The following PCDH15 variants were observed in gnomAD, a reference collection of about 807,000 sequenced individuals.
PCDH15 encodes the protein protocadherin related 15.
PCDH15 carries 129 observed loss-of-function variants against 178.5 expected under a neutral mutation model. The ratio of observed to expected loss-of-function variants is 0.72; its 90% CI spans 0.63 to 0.84. The LOEUF is 0.84. Ranked by LOEUF, PCDH15 falls within the 40% of genes least tolerant of loss-of-function variation. The pLI, the probability that PCDH15 is intolerant of heterozygous loss-of-function variation, is 0.00. For synonymous variants in PCDH15, 800 were observed against 732.0 expected (o/e 1.09, Z -1.50); for missense variants, 2,230 against 2,099.9 (o/e 1.06, Z -1.21).
chr10:54,777,564 G>A (rs1057130216), intron 1 of PCDH15, among the ~76,000 whole-genome samples: 1 of 152,156 alleles, frequency 6.6e-6, no homozygotes, highest in African/African-American at 2.4e-5. Flanking sequence ...GCAAATGAAA[G>A]ATGATGTAAA....
At chr10:54,354,193 C>T (rs1358279631) in intron 5 of PCDH15, among the ~76,000 whole-genome samples, 1 of 152,254 alleles carries the variant, frequency 6.6e-6, no homozygotes, top group East Asian at 1.9e-4. Flanking sequence ...CCATGTTGGA[C>T]AGGCTAGTCT....
At chr10:54,135,189 C>A (rs553603389) in intron 14 of PCDH15, among the ~76,000 whole-genome samples, 7 of 141,636 alleles carry the variant, frequency 4.9e-5, no homozygotes, top group African/African-American at 2.0e-4. Flanking sequence ...GGTGACAGGG[C>A]GAGACTCTGT....
intron 2 of PCDH15, among the ~76,000 whole-genome samples, chr10:54,611,958 T>G (rs1026026922): frequency 6.6e-6 from 1 of 151,748 alleles, no homozygotes; most frequent in Admixed American, 6.6e-5. Flanking sequence ...GAGTATAGAG[T>G]GAATAAATAC....
chr10:54,753,894 GT>G (rs755751275), intron 1 of PCDH15, among the ~76,000 whole-genome samples: 47 of 85,530 alleles, frequency 5.5e-4, no homozygotes, highest in Middle Eastern at 9.8e-3. Context: ...GTTTGTTTGT[GT>G]TTTTTTTTTT....
intron 2 of PCDH15, among the ~76,000 whole-genome samples, chr10:55,121,295 G>A (rs1434221113): frequency 6.6e-6 from 1 of 151,994 alleles, no homozygotes; most frequent in African/African-American, 2.4e-5. Context: ...CCTTTGAAAT[G>A]GGAATGTCTA....
chr10:55,075,040 C>T (rs1779253), intron 2 of PCDH15, among the ~76,000 whole-genome samples: 119,806 of 152,144 alleles, frequency 0.79, 47,500 homozygotes, highest in African/African-American at 0.87. Flanking sequence ...TGCGGTCTTA[C>T]GTCTGAGTTC....
At chr10:54,883,461 T>A (rs943423457) in intron 3 of PCDH15, among the ~76,000 whole-genome samples, 1 of 151,982 alleles carries the variant, frequency 6.6e-6, no homozygotes, top group African/African-American at 2.4e-5. Context: ...TTTAGTTCAG[T>A]TTGGAGAATT....
intron 3 of PCDH15, among the ~76,000 whole-genome samples, chr10:54,414,664 GACTT>G (rs1954058856): frequency 3.3e-5 from 5 of 151,982 alleles, no homozygotes; most frequent in Admixed American, 3.3e-4. Context: ...ATCTTACAAA[GACTT>G]ACAAGTTAAA....
chr10:53,831,088 C>A (rs766474200), intron 30 of PCDH15: 2 of 745,684 alleles, frequency 2.7e-6, no homozygotes, highest in South Asian at 1.4e-5. Context: ...TTGAAAGAGA[C>A]CGAATTAGAA....
At chr10:54,118,072 C>A (rs1263423041) in intron 15 of PCDH15, among the ~76,000 whole-genome samples, 1 of 152,108 alleles carries the variant, frequency 6.6e-6, no homozygotes, top group East Asian at 1.9e-4. Flanking sequence ...TGAAAAAGAG[C>A]CCAAATAGTC....
At chr10:55,079,833 G>A (rs1346595542) in intron 2 of PCDH15, among the ~76,000 whole-genome samples, 2 of 152,166 alleles carry the variant, frequency 1.3e-5, no homozygotes, top group Non-Finnish European at 2.9e-5. Context: ...CAGAGGTGGT[G>A]CAATAGCTGG....
intron 3 of PCDH15, among the ~76,000 whole-genome samples, chr10:54,895,102 T>A (rs955958037): frequency 1.3e-5 from 2 of 152,198 alleles, no homozygotes; most frequent in Admixed American, 1.3e-4. Context: ...AATAGATATT[T>A]GAAGACAGCT....
intron 15 of PCDH15, among the ~76,000 whole-genome samples, chr10:54,130,122 TCAGACAGA>T (rs200082615): frequency 2.0e-5 from 3 of 151,860 alleles, no homozygotes; most frequent in Admixed American, 6.6e-5. Flanking sequence ...GATAAAAAAT[TCAGACAGA>T]CAAAGAGGGA....
chr10:55,304,966 T>C (rs1843382503), intron 1 of PCDH15, among the ~76,000 whole-genome samples: 1 of 152,244 alleles, frequency 6.6e-6, no homozygotes, highest in South Asian at 2.1e-4. Flanking sequence ...TTCATAATAT[T>C]TCAAATACAG....
intron 2 of PCDH15, among the ~76,000 whole-genome samples, chr10:55,508,541 G>A (rs1406989064): frequency 1.3e-5 from 2 of 151,704 alleles, no homozygotes; most frequent in East Asian, 1.9e-4. Context: ...GACATAGAAT[G>A]TATAAACCTG....
intron 3 of PCDH15, among the ~76,000 whole-genome samples, chr10:54,499,209 A>C (rs2080406753): frequency 6.6e-6 from 1 of 152,168 alleles, no homozygotes; most frequent in South Asian, 2.1e-4. Flanking sequence ...TTAGATAAAC[A>C]TACAATGATA....
chr10:54,836,885 C>T (rs1359046516), intron 3 of PCDH15, among the ~76,000 whole-genome samples: 1 of 151,964 alleles, frequency 6.6e-6, no homozygotes, highest in African/African-American at 2.4e-5. Flanking sequence ...AAAGATCAAA[C>T]AACTATTGAG....
At chr10:54,756,939 C>A (rs1271443916) in intron 1 of PCDH15, among the ~76,000 whole-genome samples, 1 of 152,066 alleles carries the variant, frequency 6.6e-6, no homozygotes, top group Non-Finnish European at 1.5e-5. Flanking sequence ...TGTGTCTTAA[C>A]GTGATTAGTA....
chr10:54,069,177 G>T (rs1202104944), intron 17 of PCDH15, among the ~76,000 whole-genome samples: 1 of 152,090 alleles, frequency 6.6e-6, no homozygotes, highest in East Asian at 1.9e-4. Context: ...TTACAGCCTG[G>T]ATCCAAAATC....
Sources: gnomAD v4.1 joint callset for allele counts (sites outside exome capture counted in the v4.1 genomes callset) on GRCh38, gnomAD v4.1.1 for gene constraint, MANE v1.5 for transcripts, NCBI Gene and HGNC (gene_info 2026-07-23, HGNC 2026-07-21) for gene names.